The following KMT2C variants were observed in gnomAD, a reference collection of about 807,000 sequenced individuals.
KMT2C encodes lysine methyltransferase 2C.
KMT2C carries 88 observed loss-of-function variants against 507.9 expected under a neutral mutation model. That is an observed-to-expected ratio of 0.17 (90% CI 0.15 to 0.21). The LOEUF is 0.21. Among genes scored for constraint, KMT2C ranks in the 10% least tolerant of loss-of-function variants. The probability of loss-of-function intolerance (pLI) is 1.00; values close to 1 mark genes in which losing one functional copy is unlikely to be tolerated. For synonymous variants in KMT2C, 2,049 were observed against 2,080.8 expected (o/e 0.98, Z 0.42); for missense variants, 4,954 against 5,957.8 (o/e 0.83, Z 5.55).
At chr7:152,204,528 G>A (rs1378136203) in intron 25 of KMT2C, among the ~76,000 whole-genome samples, 2 of 151,980 alleles carry the variant, frequency 1.3e-5, no homozygotes, top group Non-Finnish European at 2.9e-5. Flanking sequence ...GCTCAGGAGT[G>A]CAAGGCTGCA....
At chr7:152,315,617 T>A (rs898541328) in intron 3 of KMT2C, among the ~76,000 whole-genome samples, 1 of 152,210 alleles carries the variant, frequency 6.6e-6, no homozygotes, top group African/African-American at 2.4e-5. Context: ...TTTTCTTTTA[T>A]ATTTGACTAG....
intron 7 of KMT2C, among the ~76,000 whole-genome samples, chr7:152,266,627 A>T (rs1238033415): frequency 1.3e-5 from 2 of 152,306 alleles, no homozygotes; most frequent in African/African-American, 4.8e-5. Context: ...AAGCATCTTG[A>T]AACAGAGTAA....
intron 14 of KMT2C, among the ~76,000 whole-genome samples, chr7:152,240,797 A>C (rs2095368555): frequency 6.6e-6 from 1 of 151,962 alleles, no homozygotes; most frequent in Non-Finnish European, 1.5e-5. Flanking sequence ...CAATCCTTCT[A>C]CTTCTTGTCA....
chr7:152,259,141 A>G (rs1390430391), intron 9 of KMT2C, among the ~76,000 whole-genome samples: 1 of 152,126 alleles, frequency 6.6e-6, no homozygotes, highest in Non-Finnish European at 1.5e-5. Context: ...TATATCGAGA[A>G]GAACTCTATT....
chr7:152,225,916 T>C (rs2094915607), intron 18 of KMT2C, among the ~76,000 whole-genome samples: 2 of 152,340 alleles, frequency 1.3e-5, no homozygotes, highest in East Asian at 1.9e-4. Context: ...AAGAAACTCA[T>C]AGTATACTGT....
At chr7:152,418,043 C>T (rs998828460) in intron 1 of KMT2C, among the ~76,000 whole-genome samples, 23 of 151,666 alleles carry the variant, frequency 1.5e-4, no homozygotes, top group Admixed American at 2.0e-4. Flanking sequence ...ACCTTTGCCT[C>T]GATACTCCTT....
intron 1 of KMT2C, among the ~76,000 whole-genome samples, chr7:152,412,178 G>A (rs2097691108): frequency 6.6e-6 from 1 of 152,130 alleles, no homozygotes; most frequent in African/African-American, 2.4e-5. Context: ...AAGGCAGGCT[G>A]ATCACTTGAG....
At chr7:152,225,371 G>C (rs12669234) in intron 18 of KMT2C, among the ~76,000 whole-genome samples, 3,069 of 152,258 alleles carry the variant, frequency 0.02, 71 homozygotes, top group South Asian at 0.089. Context: ...AAAGCTACCA[G>C]AGAAGAAAAT....
intron 1 of KMT2C, among the ~76,000 whole-genome samples, chr7:152,419,307 T>A (rs1363000116): frequency 6.6e-6 from 1 of 151,866 alleles, no homozygotes; most frequent in Non-Finnish European, 1.5e-5. Context: ...GCCGAGATCA[T>A]GCCACTGGGC....
chr7:152,186,191 A>G (rs2093622656), intron 33 of KMT2C, among the ~76,000 whole-genome samples: 1 of 152,264 alleles, frequency 6.6e-6, no homozygotes, highest in South Asian at 2.1e-4. Context: ...CATTACAAAA[A>G]GAAAGCAAGC....
rs572478781 is a variant in KMT2C at position 152,296,929 on chromosome 7, C to G, written c.849+13037G>C. Among the ~76,000 whole-genome samples the G allele has an allele frequency of 1.1e-4, 17 of 149,808 alleles. No homozygotes were observed. The South Asian group carries it at 3.6e-3, about 32-fold the overall frequency. Reference sequence around the variant, plus strand: ...CTAAGACAGGTGCGTCACTTGAGGTCAGGAGTTTGAGACCAGCCTGACAAA... The same window carrying G: ...CTAAGACAGGTGCGTCACTTGAGGTGAGGAGTTTGAGACCAGCCTGACAAA... On this transcript the variant is annotated intron_variant, in intron 6 of 58. Transcript: ENST00000262189.
At chr7:152,219,957 C>G (rs1225601104) in intron 23 of KMT2C, 2 of 152,366 alleles carry the variant, frequency 1.3e-5, no homozygotes, top group African/African-American at 4.9e-5. Context: ...AAGCCAAGAT[C>G]GTGTCACTGC....
intron 23 of KMT2C, 148 bp downstream of exon 23, chr7:152,220,375 T>C (rs2094727684): frequency 3.0e-6 from 2 of 662,346 alleles, no homozygotes; most frequent in Non-Finnish European, 5.2e-6. Flanking sequence ...AGAAGATCAC[T>C]CATTTGGAAA....
At chr7:152,393,898 CAAAAA>C (rs745616896) in intron 1 of KMT2C, among the ~76,000 whole-genome samples, 10 of 65,300 alleles carry the variant, frequency 1.5e-4, no homozygotes, top group Admixed American at 3.6e-4. Context: ...AACTCCATCT[CAAAAA>C]AAAAAAAAAA....
rs1563767857 is a variant in KMT2C at position 152,297,064 on chromosome 7, AGAG to A, written c.849+12899_849+12901del. 1.1e-3 allele frequency among the ~76,000 whole-genome samples: 129 copies of A among 114,724 alleles called. 3 individuals are homozygous for A. Among genetic ancestry groups the A allele is most frequent in the African/African-American group, 5.7e-3 (124 of 21,778 alleles). The allele number at this position is 114,724 out of a possible 152,430, so 75.3% of individuals were successfully genotyped here. ...AAGAAAGAAAGAAAGACAGAGAGAG[AGAG>A]AGAGAGAGAGAGAGAGAGAGAGAGA... On this transcript the variant is annotated intron_variant, in intron 6 of 58. Coordinates refer to ENST00000262189, the MANE Select transcript of KMT2C (RefSeq NM_170606.3).
chr7:152,394,669 T>G (rs1312812900), intron 1 of KMT2C, among the ~76,000 whole-genome samples: 1 of 152,246 alleles, frequency 6.6e-6, no homozygotes, highest in Non-Finnish European at 1.5e-5. Context: ...TACCTATTTG[T>G]TTGACTGTCT....
At chr7:152,430,013 A>G (rs1308746981) in intron 1 of KMT2C, among the ~76,000 whole-genome samples, 2 of 151,492 alleles carry the variant, frequency 1.3e-5, no homozygotes, top group Non-Finnish European at 2.9e-5. Flanking sequence ...ACCCATCTCT[A>G]CTAAAAACAC....
intron 1 of KMT2C, among the ~76,000 whole-genome samples, chr7:152,366,433 G>A (rs117871445): frequency 0.012 from 1,778 of 152,238 alleles, 15 homozygotes; most frequent in Admixed American, 0.019. Context: ...TCTGACATAT[G>A]CGATACTACA....
intron 1 of KMT2C, among the ~76,000 whole-genome samples, chr7:152,408,987 TTC>T (rs869110304): frequency 1.3e-5 from 2 of 151,854 alleles, no homozygotes; most frequent in Non-Finnish European, 2.9e-5. Flanking sequence ...CTGGGTGGGT[TTC>T]TCTCTCTTTT....
Sources: allele counts gnomAD v4.1 joint callset (sites outside exome capture counted in the v4.1 genomes callset), GRCh38; gene constraint gnomAD v4.1.1; transcripts MANE v1.5; gene names NCBI Gene and HGNC (gene_info 2026-07-23, HGNC 2026-07-21).